Variants in NPL observed in about 807,000 individuals in gnomAD.
NPL encodes N-acetylneuraminate lyase.
A neutral mutation model predicts 41.1 loss-of-function variants in NPL; 32 were observed. The observed-to-expected ratio is 0.78, with a 90% CI of 0.59 to 1.05. NPL has a LOEUF of 1.05. NPL is among the 50% of genes least tolerant of loss of function. The pLI is 0.00. For missense variants in NPL, 321 were observed against 378.4 expected, an observed-to-expected ratio of 0.85 and a Z score of 1.26; for synonymous variants, 128 against 134.9, an observed-to-expected ratio of 0.95 and a Z score of 0.35.
chr1:182,808,645 A>G (rs766564195), intron 5 of NPL, among the ~76,000 whole-genome samples: 4 of 152,152 alleles, frequency 2.6e-5, no homozygotes, highest in Non-Finnish European at 5.9e-5. Context: ...AGAAGAGATT[A>G]AAGATACAGA....
chr1:182,800,435 CAAA>C (rs1053733197), intron 3 of NPL, among the ~76,000 whole-genome samples: 7,010 of 50,924 alleles, frequency 0.14, 167 homozygotes, highest in East Asian at 0.24. Context: ...GACCCTGTCT[CAAA>C]AAAAAAAAAA....
At chr1:182,816,857 C>T (rs1173611981) in intron 8 of NPL, 51 bp downstream of exon 8, 1 of 1,410,888 alleles carries the variant, frequency 7.1e-7, no homozygotes, top group South Asian at 1.2e-5. Context: ...TCACATCTTA[C>T]CCTATTATGC....
chr1:182,799,103 T>C (rs1308623768), intron 3 of NPL, among the ~76,000 whole-genome samples: 2 of 152,172 alleles, frequency 1.3e-5, no homozygotes, highest in Non-Finnish European at 2.9e-5. Context: ...CAAACAGCAA[T>C]AGGGATTTCT....
intron 4 of NPL, among the ~76,000 whole-genome samples, chr1:182,804,429 C>T (rs753318353): frequency 8.5e-5 from 13 of 152,242 alleles, no homozygotes; most frequent in African/African-American, 3.1e-4. Context: ...CGCCCAGCCT[C>T]TTCTCTCTCT....
intron 11 of NPL, among the ~76,000 whole-genome samples, chr1:182,824,658 G>A (rs1456970006): frequency 2.6e-5 from 4 of 152,006 alleles, no homozygotes; most frequent in East Asian, 1.9e-4. Context: ...TTAGCCGGGC[G>A]TGGTGGCGGG....
chr1:182,818,567 AT>A lies in NPL; in HGVS notation c.486del (p.Leu163TrpfsTer10). 6.2e-7 allele frequency: 1 copy of A among 1,614,152 alleles called. No individual in the cohort carries two copies. Among genetic ancestry groups the A allele is most frequent in the Non-Finnish European group, 8.5e-7 (1 of 1,180,024 alleles). On this transcript the variant is annotated frameshift_variant, in exon 9 of 13. Transcript: ENST00000367553. LOFTEE classifies it high-confidence loss of function. ...KIRAEELLDGILDKIPTFQGL... is the reference protein window; with the variant it reads ...KIRAEELLDGXLDKIPTFQGL... The stretch of plus-strand genomic sequence containing the variant: ...TCGTGCTGAGGAGTTGTTGGATGGG[AT>A]TCTGGATAAGATCCCCACCTTCCAA...
At chr1:182,827,806 T>C (rs1667669817) in intron 12 of NPL, among the ~76,000 whole-genome samples, 1 of 152,184 alleles carries the variant, frequency 6.6e-6, no homozygotes, top group African/African-American at 2.4e-5. Flanking sequence ...CTCATGGGTT[T>C]TGTAATTTTT....
At chr1:182,791,031 G>T (rs1666499943) in intron 1 of NPL, among the ~76,000 whole-genome samples, 2 of 152,142 alleles carry the variant, frequency 1.3e-5, no homozygotes, top group South Asian at 2.1e-4. Context: ...TCTGTGCAAA[G>T]AAATTTTCCA....
At chr1:182,806,457 G>A (rs778344624) in intron 5 of NPL, 2 of 1,536,438 alleles carry the variant, frequency 1.3e-6, no homozygotes, top group South Asian at 2.4e-5. Flanking sequence ...GCCACCCAGA[G>A]GTTCCGCTGG....
intron 10 of NPL, 121 bp downstream of exon 10, chr1:182,818,980 T>G: frequency 1.1e-6 from 1 of 890,634 alleles, no homozygotes; most frequent in Non-Finnish European, 1.9e-6. Flanking sequence ...CTTTTCCACA[T>G]TCTTCCAGTG....
chr1:182,815,698 G>A (rs1481148968), intron 7 of NPL, among the ~76,000 whole-genome samples: 1 of 152,072 alleles, frequency 6.6e-6, no homozygotes, highest in Non-Finnish European at 1.5e-5. Context: ...CAAACTCCTG[G>A]GCTCAAGCAA....
chr1:182,794,567 C>G, intron 3 of NPL, 128 bp downstream of exon 3: 1 of 891,698 alleles, frequency 1.1e-6, no homozygotes, highest in Non-Finnish European at 1.8e-6. Context: ...CAGCTTCTGT[C>G]TGTCATCCCT....
intron 5 of NPL, chr1:182,806,475 C>T: frequency 1.3e-6 from 2 of 1,536,284 alleles, no homozygotes; most frequent in Non-Finnish European, 1.7e-6. Context: ...TGGGAAACTG[C>T]TTCTTACCTG....
chr1:182,811,534 T>C (rs1368632053), intron 5 of NPL, among the ~76,000 whole-genome samples: 1 of 152,152 alleles, frequency 6.6e-6, no homozygotes, highest in Non-Finnish European at 1.5e-5. Context: ...TAACCTATAA[T>C]TGATTTTTAA....
intron 5 of NPL, chr1:182,809,348 G>C: frequency 3.3e-6 from 1 of 306,776 alleles, no homozygotes; most frequent in Non-Finnish European, 6.5e-6. Context: ...AGACCAACCT[G>C]GCCAACCTGA....
intron 1 of NPL, chr1:182,791,151 C>G (rs966880363): frequency 2.0e-5 from 3 of 152,052 alleles, no homozygotes; most frequent in Non-Finnish European, 4.4e-5. Flanking sequence ...TGGGGGAATT[C>G]TGAGGTTTAA....
chr1:182,824,539 T>C (rs912273981), intron 11 of NPL, among the ~76,000 whole-genome samples: 2 of 152,168 alleles, frequency 1.3e-5, no homozygotes, highest in African/African-American at 4.8e-5. Context: ...GGCTCACGCC[T>C]GTAATCCCAG....
At position 182,829,794 on chromosome 1, in the gene NPL, T is replaced by C. The variant is rs1430186988; in HGVS notation, c.*886T>C. 4.4e-6 allele frequency: 3 copies of C among 687,002 alleles called. No individual in the cohort carries two copies. Among genetic ancestry groups the C allele is most frequent in the Non-Finnish European group, 7.6e-6 (3 of 395,754 alleles). 42.6% of individuals were successfully genotyped at this position (687,002 alleles called of 1,614,324 possible). On this transcript the variant is annotated 3_prime_UTR_variant, in exon 13 of 13. Coordinates refer to ENST00000367553, the MANE Select transcript of NPL (RefSeq NM_030769.3). Reference sequence around the variant, plus strand: ...CTGTCACACTTGCAACTAGTGACTTTTGTTTAGTGATAGAAGATTTGGGGA... The same window carrying C: ...CTGTCACACTTGCAACTAGTGACTTCTGTTTAGTGATAGAAGATTTGGGGA...
At chr1:182,794,483 C>A in intron 3 of NPL, 44 bp downstream of exon 3, 1 of 1,577,030 alleles carries the variant, frequency 6.3e-7, no homozygotes, top group Non-Finnish European at 8.7e-7. Flanking sequence ...TCTCATTCAA[C>A]CAAAAAGGAG....
Sources: gnomAD v4.1 joint callset for allele counts (sites outside exome capture counted in the v4.1 genomes callset) on GRCh38, gnomAD v4.1.1 for gene constraint, MANE v1.5 for transcripts, NCBI Gene and HGNC (gene_info 2026-07-23, HGNC 2026-07-21) for gene names.